The following CHCHD3 variants were observed in gnomAD, a reference collection of about 807,000 sequenced individuals.
The protein encoded by CHCHD3 is MICOS complex subunit MIC19.
A neutral mutation model predicts 38.2 loss-of-function variants in CHCHD3; 20 were observed. That is an observed-to-expected ratio of 0.52 (90% CI 0.37 to 0.76). The LOEUF (loss-of-function observed/expected upper bound fraction) is 0.76. CHCHD3 is among the 30% of genes least tolerant of loss of function. The pLI is 0.00. For synonymous variants in CHCHD3, 82 were observed against 100.0 expected (o/e 0.82, Z 1.07); for missense variants, 245 against 279.2 (o/e 0.88, Z 0.87).
chr7:132,801,144 T>G (rs1411357934), intron 6 of CHCHD3, among the ~76,000 whole-genome samples: 2 of 152,204 alleles, frequency 1.3e-5, no homozygotes, highest in African/African-American at 2.4e-5. Flanking sequence ...ACTTTTGTTT[T>G]TCTCATCACT....
At chr7:132,897,056 T>C (rs1010723785) in intron 4 of CHCHD3, among the ~76,000 whole-genome samples, 1 of 152,236 alleles carries the variant, frequency 6.6e-6, no homozygotes, top group Non-Finnish European at 1.5e-5. Context: ...ACAGCTGTTG[T>C]GAGTACAGAG....
chr7:132,960,304 C>T (rs1811284955), intron 4 of CHCHD3, among the ~76,000 whole-genome samples: 1 of 151,944 alleles, frequency 6.6e-6, no homozygotes, highest in Non-Finnish European at 1.5e-5. Flanking sequence ...GCAGTATTAT[C>T]ATACACACAG....
chr7:132,871,158 G>A (rs1808758914), intron 5 of CHCHD3, among the ~76,000 whole-genome samples: 1 of 152,148 alleles, frequency 6.6e-6, no homozygotes, highest in African/African-American at 2.4e-5. Context: ...AATAGCTAGA[G>A]TCTAACTGAT....
intron 3 of CHCHD3, among the ~76,000 whole-genome samples, chr7:132,983,807 A>G (rs1811984800): frequency 6.6e-6 from 1 of 152,226 alleles, no homozygotes; most frequent in African/African-American, 2.4e-5. Flanking sequence ...GTTTCCTGCC[A>G]CTTTGAGATA....
At chr7:133,071,854 C>G (rs1814826479) in intron 1 of CHCHD3, among the ~76,000 whole-genome samples, 1 of 152,080 alleles carries the variant, frequency 6.6e-6, no homozygotes, top group Non-Finnish European at 1.5e-5. Context: ...ACACAAGGGC[C>G]ACATATTGAA....
chr7:133,030,503 A>T (rs186284654), intron 2 of CHCHD3, among the ~76,000 whole-genome samples: 4 of 152,318 alleles, frequency 2.6e-5, no homozygotes, highest in Non-Finnish European at 5.9e-5. Flanking sequence ...ATCTTTGGGA[A>T]CTGGCAAAGT....
chr7:133,003,515 A>G (rs1317246875), intron 3 of CHCHD3, among the ~76,000 whole-genome samples: 1 of 152,262 alleles, frequency 6.6e-6, no homozygotes, highest in Non-Finnish European at 1.5e-5. Context: ...GGCATGACTC[A>G]AAAGTGTGAT....
intron 5 of CHCHD3, among the ~76,000 whole-genome samples, chr7:132,864,226 G>A (rs1046914673): frequency 1.3e-5 from 2 of 152,196 alleles, no homozygotes; most frequent in Non-Finnish European, 2.9e-5. Flanking sequence ...AGAGGTCATT[G>A]TAGGGTTATT....
chr7:133,028,863 C>A (rs10237289), intron 2 of CHCHD3, among the ~76,000 whole-genome samples: 1 of 145,824 alleles, frequency 6.9e-6, no homozygotes, highest in Non-Finnish European at 1.5e-5. Flanking sequence ...CCGGCCTGGG[C>A]GACAGAGTAA....
intron 2 of CHCHD3, among the ~76,000 whole-genome samples, chr7:133,045,483 T>C (rs1380591033): frequency 6.6e-6 from 1 of 152,178 alleles, no homozygotes; most frequent in Non-Finnish European, 1.5e-5. Flanking sequence ...AGCTGAAATA[T>C]AGAAGGCAAA....
At chr7:132,891,382 C>G (rs911740133) in intron 4 of CHCHD3, among the ~76,000 whole-genome samples, 6 of 152,162 alleles carry the variant, frequency 3.9e-5, no homozygotes, top group African/African-American at 9.7e-5. Context: ...CAGATCCCAG[C>G]TGGAAATGTT....
chr7:132,886,958 T>C (rs1809232957), intron 4 of CHCHD3: 1 of 1,297,822 alleles, frequency 7.7e-7, no homozygotes, highest in Non-Finnish European at 9.8e-7. Flanking sequence ...TTATAGGTTA[T>C]TGTTTTGCTA....
intron 2 of CHCHD3, among the ~76,000 whole-genome samples, chr7:133,064,121 T>C (rs897677035): frequency 1.3e-5 from 2 of 152,222 alleles, no homozygotes; most frequent in African/African-American, 2.4e-5. Flanking sequence ...CTAGTACTCA[T>C]TCACTACACT....
At chr7:132,866,935 G>A (rs970451375) in intron 5 of CHCHD3, among the ~76,000 whole-genome samples, 3 of 152,138 alleles carry the variant, frequency 2.0e-5, no homozygotes, top group African/African-American at 7.2e-5. Context: ...GAAACACATG[G>A]CTCTTTTGGG....
intron 3 of CHCHD3, among the ~76,000 whole-genome samples, chr7:132,976,003 C>T (rs914891838): frequency 1.3e-4 from 19 of 151,796 alleles, no homozygotes; most frequent in African/African-American, 2.7e-4. Context: ...TTACTCAACT[C>T]GTCCATTTAC....
intron 4 of CHCHD3, among the ~76,000 whole-genome samples, chr7:132,954,950 C>T (rs1415365991): frequency 6.6e-6 from 1 of 152,236 alleles, no homozygotes; most frequent in Admixed American, 6.5e-5. Flanking sequence ...GGAGGCCATA[C>T]CATGTACCGC....
chr7:132,806,712 A>G (rs1348434162), intron 6 of CHCHD3, among the ~76,000 whole-genome samples: 1 of 151,880 alleles, frequency 6.6e-6, no homozygotes, highest in Non-Finnish European at 1.5e-5. Flanking sequence ...TTTAAGATTC[A>G]CATGGAAATT....
intron 2 of CHCHD3, among the ~76,000 whole-genome samples, chr7:133,059,422 A>C (rs75900280): frequency 0.04 from 6,124 of 152,258 alleles, 406 homozygotes; most frequent in African/African-American, 0.14. Flanking sequence ...TGGAGGAGGA[A>C]AGTGAGGAGG....
chr7:133,065,466 A>G (rs1814642604), intron 2 of CHCHD3, among the ~76,000 whole-genome samples: 1 of 152,220 alleles, frequency 6.6e-6, no homozygotes, highest in Non-Finnish European at 1.5e-5. Context: ...CAGTTCATCA[A>G]ATACACTGCC....
Sources: allele counts gnomAD v4.1 joint callset (sites outside exome capture counted in the v4.1 genomes callset), GRCh38; gene constraint gnomAD v4.1.1; transcripts MANE v1.5; gene names NCBI Gene and HGNC (gene_info 2026-07-23, HGNC 2026-07-21).